Variants in ACTN1 observed in about 807,000 individuals in gnomAD.
ACTN1 encodes the protein actinin alpha 1, also known as alpha-actinin-1.
A neutral mutation model predicts 119.6 loss-of-function variants in ACTN1; 30 were observed. The ratio of observed to expected loss-of-function variants is 0.25; its 90% CI spans 0.19 to 0.34. The LOEUF is 0.34. Ranked by LOEUF, ACTN1 falls within the 10% of genes least tolerant of loss-of-function variation. The pLI, the probability that ACTN1 is intolerant of heterozygous loss-of-function variation, is 1.00. For synonymous variants in ACTN1, 429 were observed against 472.6 expected, an observed-to-expected ratio of 0.91 and a Z score of 1.20; for missense variants, 764 against 1,223.4, an observed-to-expected ratio of 0.62 and a Z score of 5.60.
chr14:68,874,728 G>A lies in ACTN1; in HGVS notation c.*131C>T, dbSNP rs1341029844. On this transcript the variant is annotated 3_prime_UTR_variant, in exon 22 of 22. Coordinates refer to ENST00000394419, the MANE Select transcript of ACTN1 (RefSeq NM_001130004.2). ...TGTCACTTCGCGGGCAGGGAGGATC[G>A]ATGCCACGTGGGCCCCAGCTCACCC... 7.9e-6 allele frequency: 7 copies of A among 880,620 alleles called. No homozygotes were observed. The highest frequency in any genetic ancestry group is 1.1e-5 in the Non-Finnish European group (7 of 636,102). 54.6% of individuals were successfully genotyped at this position (880,620 alleles called of 1,614,324 possible).
intron 3 of ACTN1, among the ~76,000 whole-genome samples, chr14:68,912,949 A>G (rs2034090764): frequency 6.6e-6 from 1 of 152,228 alleles, no homozygotes; most frequent in African/African-American, 2.4e-5. Context: ...ACACGTGGAA[A>G]AACAGTGGAA....
chr14:68,949,975 A>C (rs1190985322), intron 1 of ACTN1, among the ~76,000 whole-genome samples: 2 of 152,186 alleles, frequency 1.3e-5, no homozygotes, highest in Admixed American at 6.5e-5. Flanking sequence ...ATGGGTACAG[A>C]GTTTCAGTTT....
At position 68,912,146 on chromosome 14, in the gene ACTN1, A is replaced by G. The variant is rs2070280; in HGVS notation, c.427+10T>C. On this transcript the variant is annotated intron_variant, in intron 4 of 21. Transcript: ENST00000394419. ...TGGTGATGGCGGGATGGAACAAAGC[A>G]GAAACCCACCTTCCACGGAGATGTC... 247,116 of 1,612,912 alleles carry G rather than the reference A, an allele frequency of 0.15. 28,482 individuals carry two copies. The highest frequency in any genetic ancestry group is 0.64 in the East Asian group (28,839 of 44,816).
chr14:68,896,500 T>C (rs774469029), intron 8 of ACTN1, among the ~76,000 whole-genome samples: 4 of 152,208 alleles, frequency 2.6e-5, no homozygotes, highest in Non-Finnish European at 4.4e-5. Context: ...CCTGGTTTTC[T>C]AGCTTTTTCC....
At chr14:68,907,260 A>T (rs112984566) in intron 6 of ACTN1, among the ~76,000 whole-genome samples, 658 of 60,162 alleles carry the variant, frequency 0.011, 4 homozygotes, top group African/African-American at 0.014. Flanking sequence ...AGACTCTCTT[A>T]AAAAAAAAAA....
chr14:68,978,587 C>G (rs1001247017), intron 1 of ACTN1: 2 of 287,750 alleles, frequency 7.0e-6, no homozygotes, highest in Non-Finnish European at 1.3e-5. Flanking sequence ...CCGGAGCAAG[C>G]AGCCCCGAGC....
intron 3 of ACTN1, among the ~76,000 whole-genome samples, chr14:68,918,134 C>CG (rs1446731106): frequency 2.0e-5 from 3 of 152,192 alleles, no homozygotes; most frequent in Non-Finnish European, 4.4e-5. Context: ...TCAAAGGAAA[C>CG]GGGAAAACTG....
intron 3 of ACTN1, among the ~76,000 whole-genome samples, chr14:68,915,605 C>CT (rs1196610212): frequency 6.6e-6 from 1 of 152,248 alleles, no homozygotes; most frequent in Non-Finnish European, 1.5e-5. Flanking sequence ...TGAACAAACA[C>CT]TAACCACAAG....
intron 8 of ACTN1, among the ~76,000 whole-genome samples, chr14:68,901,249 GTTT>G (rs564351239): frequency 6.6e-4 from 68 of 103,494 alleles, no homozygotes; most frequent in Non-Finnish European, 1.1e-3. Context: ...TTTTTGTTTT[GTTT>G]TTTTTTTTTT....
chr14:68,932,125 T>G (rs1157855758), intron 1 of ACTN1, among the ~76,000 whole-genome samples: 2 of 152,022 alleles, frequency 1.3e-5, no homozygotes, highest in Admixed American at 6.6e-5. Context: ...TGGGTGTGTC[T>G]GTGAGGGTGT....
At chr14:68,963,242 T>C (rs1594878301) in intron 1 of ACTN1, among the ~76,000 whole-genome samples, 1 of 152,328 alleles carries the variant, frequency 6.6e-6, no homozygotes, top group East Asian at 1.9e-4. Context: ...TCCTTGGAAC[T>C]CCATTCTCTA....
intron 8 of ACTN1, among the ~76,000 whole-genome samples, chr14:68,899,570 CACCATACATACCTCAA>C (rs1482217777): frequency 1.3e-5 from 2 of 152,016 alleles, no homozygotes; most frequent in Non-Finnish European, 2.9e-5. Context: ...ATCCCCCACA[CACCATACATACCTCAA>C]ACCACACACT....
At chr14:68,934,791 A>G (rs2035408741) in intron 1 of ACTN1, among the ~76,000 whole-genome samples, 1 of 152,210 alleles carries the variant, frequency 6.6e-6, no homozygotes, top group Non-Finnish European at 1.5e-5. Flanking sequence ...ATGGGTTCTG[A>G]AACTATGTTA....
intron 1 of ACTN1, among the ~76,000 whole-genome samples, chr14:68,933,860 C>T (rs2035352807): frequency 6.6e-6 from 1 of 151,942 alleles, no homozygotes. Context: ...ACCTGTAGTC[C>T]CAGCTCCTCA....
At chr14:68,922,315 G>A (rs1378030051) in intron 2 of ACTN1, among the ~76,000 whole-genome samples, 1 of 152,248 alleles carries the variant, frequency 6.6e-6, no homozygotes, top group Non-Finnish European at 1.5e-5. Flanking sequence ...GCTTCTGGAA[G>A]ACGGCAGACT....
Position 68,875,099 on chromosome 14 carries a change from C to T in ACTN1, c.2587-82G>A, listed in dbSNP as rs143640239. 522 of 1,582,998 alleles carry T rather than the reference C, an allele frequency of 3.3e-4. 7 individuals are homozygous for T. In the East Asian group the frequency reaches 0.011, roughly 34 times the overall value. ...GGCCCGACACAGCCGCAAAGCCTGG[C>T]GGCGTGAAGGCAGCATGTGCCGTTT... On this transcript the variant is annotated intron_variant, in intron 21 of 21. Transcript: ENST00000394419.
Position 68,879,146 on chromosome 14 carries a change from G to A in ACTN1, c.2281-77C>T. ...GCCGTGAGGGGGGCATGCCCCGGGG[G>A]AGGGTGGCGTGTGTGGGGAGACACA... On this transcript the variant is annotated intron_variant, in intron 18 of 21. Coordinates refer to ENST00000394419, the MANE Select transcript of ACTN1 (RefSeq NM_001130004.2). The surrounding 1 kb of genome is among the most constrained non-coding windows in gnomAD (Gnocchi z 4.9). 1 of 1,430,676 alleles carries A rather than the reference G, an allele frequency of 7.0e-7. No individual in the cohort carries two copies. The highest frequency in any genetic ancestry group is 9.4e-7 in the Non-Finnish European group (1 of 1,064,614). The allele number at this position is 1,430,676 out of a possible 1,614,324, so 88.6% of individuals were successfully genotyped here.
At chr14:68,919,244 C>T (rs1326390851) in intron 3 of ACTN1, among the ~76,000 whole-genome samples, 7 of 152,236 alleles carry the variant, frequency 4.6e-5, no homozygotes, top group Admixed American at 4.6e-4. Context: ...CTTACATCCA[C>T]AAGGTGCCCA....
At chr14:68,961,941 TCTC>T (rs1209276056) in intron 1 of ACTN1, among the ~76,000 whole-genome samples, 1 of 151,998 alleles carries the variant, frequency 6.6e-6, no homozygotes, top group African/African-American at 2.4e-5. Flanking sequence ...AGCCTGTACT[TCTC>T]CTTCACAAGA....
Sources: gnomAD v4.1 joint callset for allele counts (sites outside exome capture counted in the v4.1 genomes callset) on GRCh38, gnomAD v4.1.1 for gene constraint, Gnocchi (gnomAD v3.1) non-coding constraint, MANE v1.5 for transcripts, NCBI Gene and HGNC (gene_info 2026-07-23, HGNC 2026-07-21) for gene names.